DYNLL1: variants seen among roughly 807,000 people sequenced by gnomAD.
The protein encoded by DYNLL1 is dynein light chain LC8-type 1, also known as dynein light chain 1, cytoplasmic.
Under a neutral mutation model 10.1 loss-of-function variants are expected in DYNLL1, and 3 were observed. That is an observed-to-expected ratio of 0.30 (90% CI 0.14 to 0.77). The LOEUF (loss-of-function observed/expected upper bound fraction) is 0.77, where lower values mean the gene tolerates loss of function less well. Ranked by LOEUF, DYNLL1 falls within the 30% of genes least tolerant of loss-of-function variation. The probability of loss-of-function intolerance (pLI) is 0.66; values close to 1 mark genes in which losing one functional copy is unlikely to be tolerated. For missense variants in DYNLL1, 47 were observed against 111.7 expected (o/e 0.42, Z 2.61); for synonymous variants, 46 against 41.2 (o/e 1.12, Z -0.45).
At chr12:120,496,799 A>G (rs1593008352) in intron 2 of DYNLL1, 3 of 613,622 alleles carry the variant, frequency 4.9e-6, no homozygotes, top group East Asian at 2.8e-5. Context: ...CCACCTAGCA[A>G]CGGTATCTAA....
At chr12:120,494,174 A>C (rs934763699), upstream of DYNLL1, among the ~76,000 whole-genome samples, 1 of 152,126 alleles carries the variant, frequency 6.6e-6, no homozygotes, top group Non-Finnish European at 1.5e-5. Context: ...TAGTAATATT[A>C]TAACTCCTCA....
At chr12:120,492,985 C>CTACT (rs1879171114), upstream of DYNLL1, among the ~76,000 whole-genome samples, 1 of 152,014 alleles carries the variant, frequency 6.6e-6, no homozygotes, top group Non-Finnish European at 1.5e-5. The surrounding 1 kb of genome is among the most constrained non-coding windows in gnomAD (Gnocchi z 4.1). Flanking sequence ...CCTGTAAGCA[C>CTACT]TACATACATT....
intron 1 of DYNLL1, among the ~76,000 whole-genome samples, chr12:120,480,185 A>T (rs940193628): frequency 6.6e-6 from 1 of 152,166 alleles, no homozygotes; most frequent in African/African-American, 2.4e-5. Flanking sequence ...ATGTTTATTA[A>T]AACCTATGGT....
chr12:120,470,937 C>T (rs1878635204), intron 1 of DYNLL1, among the ~76,000 whole-genome samples: 1 of 151,870 alleles, frequency 6.6e-6, no homozygotes, highest in African/African-American at 2.4e-5. Flanking sequence ...CCCAGTTACG[C>T]GGGAGGCTGA....
At chr12:120,483,228 C>T (rs1374723077) in intron 1 of DYNLL1, among the ~76,000 whole-genome samples, 1 of 149,858 alleles carries the variant, frequency 6.7e-6, no homozygotes, top group Non-Finnish European at 1.5e-5. Flanking sequence ...ACCCCAGCTA[C>T]AAGGGAGGCT....
intron 1 of DYNLL1, among the ~76,000 whole-genome samples, chr12:120,489,995 G>A (rs7314103): frequency 0.16 from 24,928 of 152,190 alleles, 2,613 homozygotes; most frequent in African/African-American, 0.3. Context: ...CAATCTGCCC[G>A]CCTTGGCCTC....
chr12:120,496,218 T>G lies in DYNLL1; in HGVS notation c.-7+2T>G. 2 of 737,546 alleles carry G rather than the reference T, an allele frequency of 2.7e-6. No individual in the cohort carries two copies. The highest frequency in any genetic ancestry group is 4.4e-6 in the Non-Finnish European group (2 of 454,656). The allele number at this position is 737,546 out of a possible 1,614,324, so 45.7% of individuals were successfully genotyped here. A position where few individuals can be genotyped will look rare whatever the true frequency, so the allele number is the denominator to read the frequency against. ...AGTCGGCCAGCCCCCTTCTCCACGG[T>G]GAGAAACTCGGGGGGCCAGGGGGTG... is the stretch of plus-strand genomic sequence containing the variant. On this transcript the variant is annotated splice_donor_variant, in intron 1 of 2. Transcript: ENST00000242577. LOFTEE classifies it low-confidence loss of function (5UTR_SPLICE).
chr12:120,480,317 A>T (rs1691552805), intron 1 of DYNLL1, among the ~76,000 whole-genome samples: 1 of 152,214 alleles, frequency 6.6e-6, no homozygotes. Context: ...ATGTGTGGAT[A>T]TGAAAAGATC....
intron 2 of DYNLL1, chr12:120,496,824 G>T (rs1410511631): frequency 3.3e-6 from 2 of 601,258 alleles, no homozygotes; most frequent in African/African-American, 3.7e-5. Flanking sequence ...AGGGAGCAGC[G>T]GTTCCCCCTT....
At chr12:120,476,099 G>T (rs1029592530) in intron 1 of DYNLL1, among the ~76,000 whole-genome samples, 2 of 144,250 alleles carry the variant, frequency 1.4e-5, no homozygotes, top group African/African-American at 4.9e-5. Flanking sequence ...AGGGTAGGGG[G>T]GTGTGAAAAG....
intron 1 of DYNLL1, chr12:120,470,169 T>C (rs796812067): frequency 3.9e-5 from 6 of 152,606 alleles, no homozygotes; most frequent in African/African-American, 1.4e-4. Flanking sequence ...GGTGTCAGCA[T>C]GAGATGGACT....
upstream of DYNLL1, among the ~76,000 whole-genome samples, chr12:120,492,348 A>C (rs1349986538): frequency 2.0e-5 from 3 of 152,152 alleles, no homozygotes; most frequent in Non-Finnish European, 4.4e-5. This position sits in a 1 kb window ranked among gnomAD's most constrained non-coding sequence, Gnocchi z 4.1. Context: ...TGGGTGGATC[A>C]CCTGAAGTCT....
chr12:120,478,586 T>A (rs904752825), intron 1 of DYNLL1, among the ~76,000 whole-genome samples: 7 of 150,282 alleles, frequency 4.7e-5, no homozygotes, highest in African/African-American at 1.7e-4. Flanking sequence ...GCACAGTGGC[T>A]CATGCCTGTA....
chr12:120,496,650 A>G (rs2137071542), intron 2 of DYNLL1, 97 bp downstream of exon 2: 1 of 1,604,482 alleles, frequency 6.2e-7, no homozygotes, highest in South Asian at 1.1e-5. Flanking sequence ...TCCCGGGAAT[A>G]CTGCTGGCGG....
upstream of DYNLL1, chr12:120,491,640 C>T (rs944964609): frequency 1.3e-5 from 2 of 152,360 alleles, no homozygotes; most frequent in African/African-American, 4.8e-5. Flanking sequence ...AGGCCACGGT[C>T]CTACTTGTGG....
chr12:120,470,298 A>C (rs908145031), intron 1 of DYNLL1, among the ~76,000 whole-genome samples: 1 of 152,092 alleles, frequency 6.6e-6, no homozygotes, highest in African/African-American at 2.4e-5. Context: ...GCAGAGTCTG[A>C]GGCCACAGAG....
intron 1 of DYNLL1, among the ~76,000 whole-genome samples, chr12:120,483,296 C>G (rs974565109): frequency 1.3e-5 from 2 of 150,182 alleles, no homozygotes; most frequent in Middle Eastern, 3.2e-3. Context: ...TGAGATTGTG[C>G]TACTGTACTC....
intron 1 of DYNLL1, among the ~76,000 whole-genome samples, chr12:120,476,911 CTTTGT>C (rs1245121362): frequency 6.7e-6 from 1 of 150,288 alleles, no homozygotes; most frequent in African/African-American, 2.5e-5. Flanking sequence ...CGCGCCCGGA[CTTTGT>C]TTTTTGTTTT....
At chr12:120,487,314 A>T in intron 1 of DYNLL1, among the ~76,000 whole-genome samples, 1 of 72,998 alleles carries the variant, frequency 1.4e-5, no homozygotes, top group Non-Finnish European at 2.2e-5. Flanking sequence ...TTTTTTTGAG[A>T]CGGACTCTTG....
Sources: gnomAD v4.1 joint callset for allele counts (sites outside exome capture counted in the v4.1 genomes callset) on GRCh38, gnomAD v4.1.1 for gene constraint, Gnocchi (gnomAD v3.1) non-coding constraint, MANE v1.5 for transcripts, NCBI Gene and HGNC (gene_info 2026-07-23, HGNC 2026-07-21) for gene names.